Variants in TENM2 observed in about 807,000 individuals in gnomAD.
TENM2 encodes teneurin-2.
In TENM2, 52 loss-of-function variants were observed where a neutral mutation model predicts 245.2. The ratio of observed to expected loss-of-function variants is 0.21; its 90% CI spans 0.17 to 0.27. The LOEUF (loss-of-function observed/expected upper bound fraction) is 0.27, where lower values mean the gene tolerates loss of function less well. TENM2 is among the 10% of genes least tolerant of loss of function. The pLI, the probability that TENM2 is intolerant of heterozygous loss-of-function variation, is 1.00. For missense variants in TENM2, 3,046 were observed against 3,666.8 expected, an observed-to-expected ratio of 0.83 and a Z score of 4.37; for synonymous variants, 1,363 against 1,438.9, an observed-to-expected ratio of 0.95 and a Z score of 1.19.
chr5:168,054,091 G>A (rs1373588469), intron 6 of TENM2, among the ~76,000 whole-genome samples: 4 of 152,178 alleles, frequency 2.6e-5, no homozygotes, highest in African/African-American at 9.7e-5. Flanking sequence ...ACTTGTTAAC[G>A]TTCCTAGCGG....
intron 2 of TENM2, among the ~76,000 whole-genome samples, chr5:167,745,346 A>G (rs1411528320): frequency 6.6e-6 from 1 of 152,200 alleles, no homozygotes; most frequent in Non-Finnish European, 1.5e-5. Flanking sequence ...GCCTCAGAGA[A>G]TGTTGGCTCT....
chr5:167,804,219 T>G (rs574733486), intron 2 of TENM2, among the ~76,000 whole-genome samples: 1 of 152,226 alleles, frequency 6.6e-6, no homozygotes, highest in South Asian at 2.1e-4. Flanking sequence ...TCTCTTAGGC[T>G]AATAATGTAT....
chr5:167,462,756 AT>A (rs1335065584), intron 2 of TENM2, among the ~76,000 whole-genome samples: 4 of 151,670 alleles, frequency 2.6e-5, no homozygotes, highest in African/African-American at 9.7e-5. Context: ...TGGGGTTTAT[AT>A]GGGTACAGGG....
At chr5:167,123,867 C>A in the TENM2 span, among the ~76,000 whole-genome samples, 1 of 152,150 alleles carries the variant, frequency 6.6e-6, no homozygotes, top group African/African-American at 2.4e-5. Context: ...GTTATACCAC[C>A]TTGCAGCACT....
the TENM2 span, among the ~76,000 whole-genome samples, chr5:167,129,643 T>C: frequency 6.6e-6 from 1 of 152,148 alleles, no homozygotes; most frequent in Admixed American, 6.5e-5. Flanking sequence ...TAAATTACTA[T>C]TGGCGTGAAA....
At chr5:168,227,064 G>A (rs1307397699) in intron 24 of TENM2, among the ~76,000 whole-genome samples, 2 of 152,094 alleles carry the variant, frequency 1.3e-5, no homozygotes, top group Non-Finnish European at 2.9e-5. Flanking sequence ...TCACAGGAGC[G>A]ACAGGTACAC....
At chr5:167,468,277 G>C (rs1766800332) in intron 2 of TENM2, among the ~76,000 whole-genome samples, 4 of 152,196 alleles carry the variant, frequency 2.6e-5, no homozygotes, top group Admixed American at 2.6e-4. Context: ...GATGGCCCAT[G>C]ATGAGCACAA....
intron 12 of TENM2, among the ~76,000 whole-genome samples, chr5:168,133,118 T>C (rs990753531): frequency 1.3e-5 from 2 of 152,218 alleles, no homozygotes; most frequent in African/African-American, 4.8e-5. Flanking sequence ...ATCACATCAT[T>C]GCCTTCCAGG....
intron 25 of TENM2, among the ~76,000 whole-genome samples, chr5:168,238,182 A>AGAGAGAGAGG (rs1386029243): frequency 2.3e-5 from 1 of 44,144 alleles, no homozygotes; most frequent in South Asian, 1.2e-3. Flanking sequence ...AGAGAGAGAG[A>AGAGAGAGAGG]GAGGGAGGGA....
At chr5:167,176,276 T>A in the TENM2 span, among the ~76,000 whole-genome samples, 1 of 152,232 alleles carries the variant, frequency 6.6e-6, no homozygotes, top group Non-Finnish European at 1.5e-5. Flanking sequence ...GTTGTTGTTG[T>A]TGTTCTTTTT....
At chr5:168,198,264 C>T (rs771138803) in intron 15 of TENM2, among the ~76,000 whole-genome samples, 8 of 142,312 alleles carry the variant, frequency 5.6e-5, no homozygotes, top group Non-Finnish European at 8.9e-5. Flanking sequence ...GGCGCAATCT[C>T]GGCCCACTGC....
chr5:167,186,913 T>C, the TENM2 span, among the ~76,000 whole-genome samples: 1 of 152,206 alleles, frequency 6.6e-6, no homozygotes, highest in Non-Finnish European at 1.5e-5. Flanking sequence ...GTGTATCAAA[T>C]CATGTTTGAA....
chr5:167,807,769 G>T (rs574038056), intron 2 of TENM2, among the ~76,000 whole-genome samples: 2 of 151,778 alleles, frequency 1.3e-5, no homozygotes, highest in African/African-American at 4.8e-5. Flanking sequence ...GTCTTTTTCC[G>T]CAGGGCAACA....
At chr5:167,531,033 T>TA (rs895901394) in intron 2 of TENM2, among the ~76,000 whole-genome samples, 3 of 152,218 alleles carry the variant, frequency 2.0e-5, no homozygotes, top group Admixed American at 1.3e-4. Context: ...AGGTTTCACT[T>TA]ACTGCCTTCA....
chr5:168,093,478 T>C (rs1011226144), intron 8 of TENM2, among the ~76,000 whole-genome samples: 1 of 152,236 alleles, frequency 6.6e-6, no homozygotes. Flanking sequence ...CATCAGAACA[T>C]TCTCCATCAA....
chr5:167,675,883 C>T (rs540693170), intron 2 of TENM2, among the ~76,000 whole-genome samples: 2 of 152,158 alleles, frequency 1.3e-5, no homozygotes, highest in Non-Finnish European at 2.9e-5. Context: ...TTTATCTTCC[C>T]TCCATTTTCC....
At chr5:167,407,489 GAATT>G (rs1164583820) in intron 2 of TENM2, among the ~76,000 whole-genome samples, 1 of 151,978 alleles carries the variant, frequency 6.6e-6, no homozygotes, top group African/African-American at 2.4e-5. Context: ...CTTACTACCT[GAATT>G]AATTAAATCT....
At chr5:168,015,642 G>T (rs1785589451) in intron 5 of TENM2, among the ~76,000 whole-genome samples, 1 of 152,208 alleles carries the variant, frequency 6.6e-6, no homozygotes, top group Non-Finnish European at 1.5e-5. Context: ...GCTTTCTTGA[G>T]TTTGGGATTT....
At chr5:167,825,104 A>G (rs1381112836) in intron 2 of TENM2, among the ~76,000 whole-genome samples, 1 of 152,136 alleles carries the variant, frequency 6.6e-6, no homozygotes, top group Non-Finnish European at 1.5e-5. Context: ...TCATATTCCT[A>G]TCTGGATTTA....
Sources: gnomAD v4.1 joint callset for allele counts (sites outside exome capture counted in the v4.1 genomes callset) on GRCh38, gnomAD v4.1.1 for gene constraint, MANE v1.5 for transcripts, NCBI Gene and HGNC (gene_info 2026-07-23, HGNC 2026-07-21) for gene names.